Variants in DAG1 observed in about 807,000 individuals in gnomAD.
The protein encoded by DAG1 is dystroglycan 1 (dystrophin-associated glycoprotein 1).
Under a neutral mutation model 46.1 loss-of-function variants are expected in DAG1, and 8 were observed. That is an observed-to-expected ratio of 0.17 (90% CI 0.10 to 0.31). The LOEUF is 0.31. Ranked by LOEUF, DAG1 falls within the 10% of genes least tolerant of loss-of-function variation. The probability of loss-of-function intolerance (pLI) is 1.00; values close to 1 mark genes in which losing one functional copy is unlikely to be tolerated. For synonymous variants in DAG1, 495 were observed against 481.8 expected (o/e 1.03, Z -0.36); for missense variants, 1,003 against 1,189.9 (o/e 0.84, Z 2.31).
chr3:49,478,552 A>T (rs377497093), intron 1 of DAG1, among the ~76,000 whole-genome samples: 12,012 of 52,108 alleles, frequency 0.23, 695 homozygotes, highest in Non-Finnish European at 0.29. Context: ...TTTTTTTTTT[A>T]AATTTTTTGT....
chr3:49,524,159 C>T (rs1046989028), intron 2 of DAG1, among the ~76,000 whole-genome samples: 8 of 152,150 alleles, frequency 5.3e-5, no homozygotes, highest in East Asian at 1.9e-4. Flanking sequence ...CTAGCACCTC[C>T]GGGATGAGCT....
In DAG1 at chr3:49,534,316, C is replaced by T. The variant is rs967717414; in HGVS notation, c.*1117C>T. 5 of 152,548 alleles carry T rather than the reference C, an allele frequency of 3.3e-5. No homozygotes were observed. Among genetic ancestry groups the T allele is most frequent in the African/African-American group, 1.2e-4 (5 of 41,418 alleles). The allele number at this position is 152,548 out of a possible 1,614,324, so 9.4% of individuals were successfully genotyped here. On this transcript the variant is annotated 3_prime_UTR_variant, in exon 3 of 3. Coordinates refer to ENST00000308775, the MANE Select transcript of DAG1 (RefSeq NM_004393.6). ...CTCACTTGACCTTGGCCGCTTTGTC[C>T]TAACAGTCCACAGTCCTGCCCCGAC...
intron 1 of DAG1, among the ~76,000 whole-genome samples, chr3:49,505,601 G>T (rs1043726881): frequency 6.6e-6 from 1 of 151,984 alleles, no homozygotes; most frequent in Non-Finnish European, 1.5e-5. Context: ...GGATTCTTTG[G>T]CATTTTCTAC....
At chr3:49,511,048 CT>C in intron 2 of DAG1, 1 of 872,100 alleles carries the variant, frequency 1.1e-6, no homozygotes, top group Non-Finnish European at 1.4e-6. Context: ...ATGTAATAGC[CT>C]TTACTCTGGA....
intron 2 of DAG1, among the ~76,000 whole-genome samples, chr3:49,519,919 A>C (rs541327897): frequency 5.4e-4 from 83 of 152,338 alleles, no homozygotes; most frequent in African/African-American, 1.8e-3. Context: ...TGAACATGAG[A>C]TAAAATGCTT....
At chr3:49,510,184 A>C (rs1219913501) in intron 1 of DAG1, 3 of 491,586 alleles carry the variant, frequency 6.1e-6, no homozygotes, top group African/African-American at 5.7e-5. Flanking sequence ...GGCATTTTAC[A>C]TTCATTTTTT....
At chr3:49,522,603 C>G (rs771267966) in intron 2 of DAG1, among the ~76,000 whole-genome samples, 4 of 152,052 alleles carry the variant, frequency 2.6e-5, no homozygotes, top group Admixed American at 1.3e-4. Context: ...CCATGCCCAG[C>G]TCAGTCTTTG....
In DAG1 at chr3:49,531,116, T is replaced by C; in HGVS notation, c.605T>C (p.Met202Thr). Reference sequence around the variant, plus strand: ...ATTTTGGATGCCGACCTCACCAAGATGACCCCAAAGCAAAGGATTGACCTC... The same window carrying C: ...ATTTTGGATGCCGACCTCACCAAGACGACCCCAAAGCAAAGGATTGACCTC... ...TVILDADLTK[M>T]TPKQRIDLLH... Residue 202 changes from methionine (M) to threonine (T), a missense_variant, in exon 3 of 3, where the codon ATG (methionine) becomes ACG (threonine). This residue lies in a region of DAG1 where 52 missense variants were observed against 96.7 expected (regional missense o/e 0.54). Transcript: ENST00000308775. This position sits in a 1 kb window ranked among gnomAD's most constrained non-coding sequence, Gnocchi z 7.0. 1 of 1,614,136 alleles carries C rather than the reference T, an allele frequency of 6.2e-7. No individual in the cohort carries two copies. The highest frequency in any genetic ancestry group is 8.5e-7 in the Non-Finnish European group (1 of 1,180,010).
chr3:49,507,764 C>G (rs2050646876), intron 1 of DAG1, among the ~76,000 whole-genome samples: 1 of 151,648 alleles, frequency 6.6e-6, no homozygotes, highest in East Asian at 1.9e-4. Flanking sequence ...CTGCTGGGCT[C>G]AAGCCAACCT....
chr3:49,494,638 A>T (rs1044898045), intron 1 of DAG1, among the ~76,000 whole-genome samples: 122 of 144,654 alleles, frequency 8.4e-4, no homozygotes, highest in Middle Eastern at 7.1e-3. Context: ...TATTATTATT[A>T]TTTTTTTTTT....
intron 1 of DAG1, chr3:49,471,044 T>C (rs893377954): frequency 2.0e-5 from 3 of 152,256 alleles, no homozygotes; most frequent in African/African-American, 7.2e-5. Flanking sequence ...TTGCCATAAA[T>C]TCTAAGTTAG....
intron 1 of DAG1, chr3:49,477,029 G>A (rs918557289): frequency 2.6e-5 from 4 of 152,176 alleles, no homozygotes; most frequent in African/African-American, 4.8e-5. Context: ...ACAAAGTCTT[G>A]CTCTGTCACC....
rs1383159799 is a variant in DAG1, at chr3:49,531,069, A to G, written c.558A>G (p.Glu186=). The G allele has an allele frequency of 3.1e-6, 5 of 1,614,170 alleles. No homozygotes were observed. Among genetic ancestry groups the G allele is most frequent in the Non-Finnish European group, 3.4e-6 (4 of 1,180,014 alleles). ...EVVSSACAAD[E]PVTVLTVILD... The stretch of plus-strand genomic sequence containing the variant: ...TATCATCTGCCTGTGCTGCGGATGA[A>G]CCTGTGACTGTTTTGACGGTGATTT... The change falls in exon 3 of 3, where the codon GAA becomes GAG. Residue 186 remains glutamate (E), a synonymous_variant. Transcript: ENST00000308775. This position sits in a 1 kb window ranked among gnomAD's most constrained non-coding sequence, Gnocchi z 7.0.
At position 49,531,819 on chromosome 3, in the gene DAG1, G is replaced by A. The variant is rs143763229; in HGVS notation, c.1308G>A (p.Thr436=). 2.1e-4 allele frequency: 333 copies of A among 1,612,524 alleles called. 2 individuals are homozygous for A. In the Middle Eastern group the frequency reaches 2.1e-3, roughly 10 times the overall value. ...KPRVSTPKPA[T]PSTDSTTTTT... is the part of the protein sequence containing the mutation. ...GAGTATCCACACCAAAACCAGCAACGCCTTCAACTGACTCCACCACCACCA... is the reference window on the plus strand; with the variant it reads ...GAGTATCCACACCAAAACCAGCAACACCTTCAACTGACTCCACCACCACCA... Residue 436 remains threonine, a synonymous_variant, in exon 3 of 3, where the codon ACG becomes ACA. Coordinates refer to ENST00000308775, the MANE Select transcript of DAG1 (RefSeq NM_004393.6). This position sits in a 1 kb window ranked among gnomAD's most constrained non-coding sequence, Gnocchi z 7.0.
intron 2 of DAG1, among the ~76,000 whole-genome samples, chr3:49,524,893 C>A (rs1350506528): frequency 6.6e-6 from 1 of 152,132 alleles, no homozygotes; most frequent in Non-Finnish European, 1.5e-5. Flanking sequence ...GGGAGGATTG[C>A]TTGAGCCTGG....
chr3:49,497,257 T>C lies in DAG1; in HGVS notation c.-116-13162T>C, dbSNP rs545892669. ...TTCAAGACCAGCCTGGCTAACATGG[T>C]GAAATCCCATCCCTACTAAAAATAC... On this transcript the variant is annotated intron_variant, in intron 1 of 2. Transcript: ENST00000308775. 1.9e-3 allele frequency among the ~76,000 whole-genome samples: 294 copies of C among 151,854 alleles called. 1 individual carries two copies. Among genetic ancestry groups the C allele is most frequent in the African/African-American group, 6.7e-3 (279 of 41,422 alleles).
chr3:49,527,694 C>G (rs552167927), intron 2 of DAG1, among the ~76,000 whole-genome samples: 2 of 152,040 alleles, frequency 1.3e-5, no homozygotes, highest in Middle Eastern at 3.4e-3. Flanking sequence ...TAGAGTGAGA[C>G]GCTGTCTAAA....
intron 1 of DAG1, among the ~76,000 whole-genome samples, chr3:49,478,544 T>TA (rs1213016079): frequency 2.6e-4 from 38 of 148,626 alleles, no homozygotes; most frequent in Non-Finnish European, 4.9e-4. Context: ...TTTTTTTTTT[T>TA]TTTTTTTAAA....
intron 1 of DAG1, among the ~76,000 whole-genome samples, chr3:49,478,527 G>GT (rs35150889): frequency 0.64 from 53,667 of 84,308 alleles, 14,834 homozygotes; most frequent in East Asian, 0.82. Flanking sequence ...GAGCCCAAGA[G>GT]TTTTTTTTTT....
Sources: gnomAD v4.1 joint callset for allele counts (sites outside exome capture counted in the v4.1 genomes callset) on GRCh38, gnomAD v4.1.1 for gene constraint, gnomAD v4.1.1 regional missense constraint, Gnocchi (gnomAD v3.1) non-coding constraint, MANE v1.5 for transcripts, NCBI Gene and HGNC (gene_info 2026-07-23, HGNC 2026-07-21) for gene names.